The following AHNAK variants were observed in gnomAD, a reference collection of about 807,000 sequenced individuals.
The protein encoded by AHNAK is neuroblast differentiation-associated protein AHNAK.
A neutral mutation model predicts 37.8 loss-of-function variants in AHNAK; 23 were observed. That is an observed-to-expected ratio of 0.61 (90% CI 0.44 to 0.86). The LOEUF (loss-of-function observed/expected upper bound fraction) is 0.86, where lower values mean the gene tolerates loss of function less well. AHNAK is among the 40% of genes least tolerant of loss of function. The pLI is 0.00. For synonymous variants in AHNAK, 2,481 were observed against 2,636.3 expected, an observed-to-expected ratio of 0.94 and a Z score of 1.80; for missense variants, 7,411 against 7,319.4, an observed-to-expected ratio of 1.01 and a Z score of -0.46.
chr11:62,471,778 C>T (rs1046367055), intron 5 of AHNAK, among the ~76,000 whole-genome samples: 5 of 152,194 alleles, frequency 3.3e-5, no homozygotes, highest in East Asian at 1.9e-4. Context: ...GGAGACTGGC[C>T]GGGATGCGGG....
chr11:62,525,504 A>C lies in AHNAK; in HGVS notation c.8913T>G (p.His2971Gln). The C allele has an allele frequency of 6.2e-7, 1 of 1,609,894 alleles. No individual in the cohort carries two copies. Among genetic ancestry groups the C allele is most frequent in the African/African-American group, 1.4e-5 (1 of 73,534 alleles). ...PKIPMPDFDL[H>Q]LKGPKVKGDV... The stretch of plus-strand genomic sequence containing the variant: ...CGCCCTTCACCTTGGGACCTTTCAG[A>C]TGCAAATCAAAGTCAGGCATGGGGA... The change falls in exon 5 of 5, where the codon CAT becomes CAG. Residue 2971 changes from histidine (H) to glutamine (Q), a missense_variant. His to Gln is a conservative substitution (Grantham distance 24, BLOSUM62 0). Coordinates refer to ENST00000378024, the MANE Select transcript of AHNAK (RefSeq NM_001620.3).
rs1174358675 is a variant in AHNAK, at chr11:62,522,212, T to A, written c.12205A>T (p.Ser4069Cys). Residue 4069 changes from serine to cysteine, a missense_variant, in exon 5 of 5, where the codon AGC (serine) becomes TGC (cysteine). By Grantham distance (112) the Ser-to-Cys change is moderately radical. Coordinates refer to ENST00000378024, the MANE Select transcript of AHNAK (RefSeq NM_001620.3). Reference protein sequence around the residue: ...KMPKVKMPKFSMPGFKGEGPE... With the variant: ...KMPKVKMPKFCMPGFKGEGPE... ...CCCTCTCCTTTAAATCCTGGCATGCTGAATTTGGGCATTTTCACCTTGGGC... is the reference window on the plus strand; with the variant it reads ...CCCTCTCCTTTAAATCCTGGCATGCAGAATTTGGGCATTTTCACCTTGGGC... 1 of 1,613,306 alleles carries A rather than the reference T, an allele frequency of 6.2e-7. No individual in the cohort carries two copies. The highest frequency in any genetic ancestry group is 8.5e-7 in the Non-Finnish European group (1 of 1,179,898).
At chr11:62,510,341 C>G (rs1299645256) in intron 4 of AHNAK, among the ~76,000 whole-genome samples, 3 of 151,918 alleles carry the variant, frequency 2.0e-5, no homozygotes, top group Non-Finnish European at 2.9e-5. Flanking sequence ...ACTGCGCCCG[C>G]CCTCTATTGG....
chr11:62,530,700 A>C lies in AHNAK; in HGVS notation c.3717T>G (p.Asp1239Glu), dbSNP rs1940708814. ...VEIKGPKMDI[D>E]APDVEVQGPD... is the part of the protein sequence containing the mutation. The stretch of plus-strand genomic sequence containing the variant: ...GGCCTTGAACCTCCACATCTGGGGC[A>C]TCAATGTCCATTTTGGGTCCTTTGA... Residue 1239 changes from aspartate to glutamate, a missense_variant, in exon 5 of 5, where the codon GAT becomes GAG. By Grantham distance (45) the Asp-to-Glu change is conservative. Transcript: ENST00000378024. 6.2e-7 allele frequency: 1 copy of C among 1,611,582 alleles called. No individual in the cohort carries two copies. Among genetic ancestry groups the C allele is most frequent in the Non-Finnish European group, 8.5e-7 (1 of 1,179,432 alleles).
At chr11:62,434,300 C>G (rs987272981) in intron 5 of AHNAK, among the ~76,000 whole-genome samples, 1 of 152,180 alleles carries the variant, frequency 6.6e-6, no homozygotes, top group Non-Finnish European at 1.5e-5. Context: ...TCATTATCAT[C>G]TCCAAACTGA....
chr11:62,495,921 T>C (rs1939600006), intron 4 of AHNAK, among the ~76,000 whole-genome samples: 1 of 151,132 alleles, frequency 6.6e-6, no homozygotes, highest in Admixed American at 6.6e-5. Flanking sequence ...TGGTGGTATA[T>C]GCCTGTAATC....
At chr11:62,511,256 CTTGT>C (rs1223364369), downstream of AHNAK, among the ~76,000 whole-genome samples, 1 of 145,152 alleles carries the variant, frequency 6.9e-6, no homozygotes, top group South Asian at 2.2e-4. Context: ...TTTTTTTTTG[CTTGT>C]TTGTTTGTTT....
chr11:62,545,068 C>A (rs1488130707), intron 1 of AHNAK, among the ~76,000 whole-genome samples: 2 of 152,216 alleles, frequency 1.3e-5, no homozygotes, highest in African/African-American at 2.4e-5. Context: ...GTCCCTTTTC[C>A]TCCGGAGACT....
rs777781229 is a variant in AHNAK, at chr11:62,522,910, G to A, written c.11507C>T (p.Ser3836Leu). ...AACATCAATGTCCACCTTGGGTCCT[G>A]AGACATCAAGGTCAGCCTTGGGCAG... Reference protein sequence around the residue: ...VNLPKADLDVSGPKVDIDVPD... With the variant: ...VNLPKADLDVLGPKVDIDVPD... Residue 3836 changes from serine to leucine, a missense_variant, in exon 5 of 5, where the codon TCA (serine) becomes TTA (leucine). Ser to Leu is a moderately radical substitution (Grantham distance 145). Transcript: ENST00000378024. 77 of 1,612,688 alleles carry A rather than the reference G, an allele frequency of 4.8e-5. No individual in the cohort carries two copies. In the South Asian group the frequency reaches 6.2e-4, roughly 13 times the overall value.
intron 5 of AHNAK, among the ~76,000 whole-genome samples, chr11:62,454,424 A>G (rs147958538): frequency 0.048 from 6,360 of 132,880 alleles, 460 homozygotes; most frequent in African/African-American, 0.15. Context: ...AAAAAAAAAA[A>G]AAAAGAAAAG....
Position 62,518,290 on chromosome 11 carries a change from A to G in AHNAK, c.16127T>C (p.Val5376Ala), listed in dbSNP as rs1940100562. Residue 5376 changes from valine to alanine, a missense_variant, in exon 5 of 5, where the codon GTC becomes GCC. Physicochemically the swap from Val to Ala is moderately conservative, Grantham distance 64. Coordinates refer to ENST00000378024, the MANE Select transcript of AHNAK (RefSeq NM_001620.3). ...TTTAGGGCATTTGATGTCACCAGAG[A>G]CAGCCAGATCTCCCTGCAGGCTTGG... ...RGPSLQGDLA[V>A]SGDIKCPKVS... The G allele has an allele frequency of 6.2e-7, 1 of 1,614,138 alleles. No individual in the cohort carries two copies. The highest frequency in any genetic ancestry group is 8.5e-7 in the Non-Finnish European group (1 of 1,180,004).
chr11:62,439,792 C>T (rs1038655561), intron 5 of AHNAK, among the ~76,000 whole-genome samples: 4 of 151,504 alleles, frequency 2.6e-5, no homozygotes, highest in East Asian at 2.0e-4. Flanking sequence ...CTCAGCCTCC[C>T]GAGTAGGTGG....
Position 62,519,500 on chromosome 11 carries a change from G to A in AHNAK, c.14917C>T (p.Pro4973Ser), listed in dbSNP as rs769267300. The change falls in exon 5 of 5, where the codon CCC (proline) becomes TCC (serine). Residue 4973 changes from proline to serine, a missense_variant. Coordinates refer to ENST00000378024, the MANE Select transcript of AHNAK (RefSeq NM_001620.3). ...CCAAACTTGGGTTTCTTAAATTTGGGGATTTTAACATCTGGCCCTTCGATG... is the reference window on the plus strand; with the variant it reads ...CCAAACTTGGGTTTCTTAAATTTGGAGATTTTAACATCTGGCCCTTCGATG... ...INIEGPDVKI[P>S]KFKKPKFGFG... is the part of the protein sequence containing the mutation. 6.2e-7 allele frequency: 1 copy of A among 1,612,976 alleles called. No homozygotes were observed. The highest frequency in any genetic ancestry group is 8.5e-7 in the Non-Finnish European group (1 of 1,179,682).
At chr11:62,473,247 A>G (rs1286762363) in intron 5 of AHNAK, among the ~76,000 whole-genome samples, 1 of 150,342 alleles carries the variant, frequency 6.7e-6, no homozygotes. Context: ...ACACAAAAAA[A>G]TTAGCCGGGC....
At chr11:62,489,937 G>A (rs1401009975) in intron 5 of AHNAK, among the ~76,000 whole-genome samples, 7 of 152,098 alleles carry the variant, frequency 4.6e-5, no homozygotes, top group African/African-American at 1.2e-4. Context: ...GGGGCAGGGT[G>A]TTTCATGGAA....
At chr11:62,443,057 C>T (rs1340588742) in intron 5 of AHNAK, among the ~76,000 whole-genome samples, 29 of 151,262 alleles carry the variant, frequency 1.9e-4, no homozygotes, top group African/African-American at 6.3e-4. Context: ...CTGCAACCTC[C>T]GCCTCCCAGA....
At chr11:62,436,806 G>A (rs1222315701) in intron 5 of AHNAK, among the ~76,000 whole-genome samples, 1 of 151,998 alleles carries the variant, frequency 6.6e-6, no homozygotes, top group Non-Finnish European at 1.5e-5. Flanking sequence ...GGGCATGGTG[G>A]CGGGCGCCTG....
intron 5 of AHNAK, among the ~76,000 whole-genome samples, chr11:62,461,330 C>G (rs6591713): frequency 0.94 from 142,847 of 151,310 alleles, 67,711 homozygotes; most frequent in South Asian, 0.96. Flanking sequence ...ATTTTTAGTA[C>G]AGATGGGGTT....
intron 5 of AHNAK, among the ~76,000 whole-genome samples, chr11:62,435,228 T>G (rs1445491951): frequency 6.6e-6 from 1 of 152,178 alleles, no homozygotes; most frequent in Non-Finnish European, 1.5e-5. Context: ...CCCCTTTCCT[T>G]GCTGAAGTCC....
Sources: allele counts gnomAD v4.1 joint callset (sites outside exome capture counted in the v4.1 genomes callset), GRCh38; gene constraint gnomAD v4.1.1; transcripts MANE v1.5; gene names NCBI Gene and HGNC (gene_info 2026-07-23, HGNC 2026-07-21).